PLCG2: variants seen among roughly 807,000 people sequenced by gnomAD.
PLCG2 encodes 1-phosphatidylinositol 4,5-bisphosphate phosphodiesterase gamma-2.
Under a neutral mutation model 175.6 loss-of-function variants are expected in PLCG2, and 69 were observed. The ratio of observed to expected loss-of-function variants is 0.39; its 90% confidence interval spans 0.32 to 0.48. PLCG2 has a LOEUF of 0.48. PLCG2 is among the 20% of genes least tolerant of loss of function. PLCG2 has a pLI of 0.91. For missense variants in PLCG2, 1,798 were observed against 1,650.9 expected, an observed-to-expected ratio of 1.09 and a Z score of -1.54; for synonymous variants, 827 against 624.0, an observed-to-expected ratio of 1.33 and a Z score of -4.85.
intron 2 of PLCG2, among the ~76,000 whole-genome samples, chr16:81,787,074 C>G (rs1911002581): frequency 6.6e-6 from 1 of 152,208 alleles, no homozygotes; most frequent in African/African-American, 2.4e-5. Context: ...CTTATCAGCA[C>G]ACATTGATCT....
intron 31 of PLCG2, among the ~76,000 whole-genome samples, chr16:81,947,777 A>G (rs4993826): frequency 0.015 from 2,263 of 152,310 alleles, 58 homozygotes; most frequent in African/African-American, 0.052. Context: ...TAGTTTATAA[A>G]GAGTATTTTT....
At chr16:81,899,170 T>A (rs1013621111) in intron 13 of PLCG2, among the ~76,000 whole-genome samples, 4 of 151,832 alleles carry the variant, frequency 2.6e-5, no homozygotes, top group African/African-American at 4.8e-5. Flanking sequence ...TCCCGGGCAA[T>A]GAGTGAAACT....
chr16:81,812,869 G>A (rs998980982), intron 2 of PLCG2, among the ~76,000 whole-genome samples: 3 of 152,104 alleles, frequency 2.0e-5, no homozygotes, highest in Admixed American at 6.6e-5. Context: ...TAAGGAAGGG[G>A]TCCAGTTTCA....
intron 14 of PLCG2, among the ~76,000 whole-genome samples, chr16:81,905,150 G>A (rs1418190522): frequency 6.6e-6 from 1 of 152,268 alleles, no homozygotes; most frequent in Admixed American, 6.5e-5. Flanking sequence ...GCCTCCCAAA[G>A]TGCTGGGCTT....
rs937066568 is a variant in PLCG2, at chr16:81,959,404, C to G, written c.*1406C>G. On this transcript the variant is annotated 3_prime_UTR_variant, in exon 33 of 33. Transcript: ENST00000564138. The stretch of plus-strand genomic sequence containing the variant: ...GGTCCCTTCACTCTACAAAAACTTA[C>G]TGATCACCTCCACATGCCAAATACA... 4.5e-6 allele frequency: 1 copy of G among 221,408 alleles called. No homozygotes were observed. The highest frequency in any genetic ancestry group is 9.0e-6 in the Non-Finnish European group (1 of 110,674). 13.7% of individuals were successfully genotyped at this position (221,408 alleles called of 1,614,324 possible).
chr16:81,905,596 T>C, intron 15 of PLCG2, 89 bp downstream of exon 15: 1 of 768,174 alleles, frequency 1.3e-6, no homozygotes, highest in South Asian at 1.5e-5. Flanking sequence ...AGAATACGCC[T>C]GTCTTGTTCC....
At chr16:81,780,088 C>T (rs1425014890) in intron 1 of PLCG2, among the ~76,000 whole-genome samples, 1 of 152,094 alleles carries the variant, frequency 6.6e-6, no homozygotes, top group African/African-American at 2.4e-5. Context: ...TGGATTCCAG[C>T]AGGACGGTGG....
At chr16:81,740,914 C>T (rs1909579724) in intron 1 of PLCG2, among the ~76,000 whole-genome samples, 1 of 152,110 alleles carries the variant, frequency 6.6e-6, no homozygotes, top group Non-Finnish European at 1.5e-5. Flanking sequence ...ACCTTGCCTG[C>T]CAGGCAGAAT....
At chr16:81,826,836 C>T (rs564868159) in intron 2 of PLCG2, among the ~76,000 whole-genome samples, 5 of 152,164 alleles carry the variant, frequency 3.3e-5, no homozygotes, top group Admixed American at 1.3e-4. Flanking sequence ...TCAAGGCTGC[C>T]GGAGACAATT....
At chr16:81,741,235 C>T (rs974725278) in intron 1 of PLCG2, among the ~76,000 whole-genome samples, 1 of 151,980 alleles carries the variant, frequency 6.6e-6, no homozygotes, top group Non-Finnish European at 1.5e-5. Context: ...CTGCTGTGTG[C>T]CAGGTATTGT....
chr16:81,806,445 G>A (rs927995323), intron 2 of PLCG2, among the ~76,000 whole-genome samples: 2 of 151,912 alleles, frequency 1.3e-5, no homozygotes, highest in African/African-American at 4.8e-5. Context: ...TGCTGGGCCC[G>A]AGCATCCAGT....
At chr16:81,818,577 T>C (rs1234379414) in intron 2 of PLCG2, among the ~76,000 whole-genome samples, 1 of 152,080 alleles carries the variant, frequency 6.6e-6, no homozygotes, top group East Asian at 1.9e-4. Flanking sequence ...ATTATCTGCT[T>C]GGTGGGGGCT....
In PLCG2 at chr16:81,935,882, G is replaced by A. The variant is rs936215487; in HGVS notation, c.2843-287G>A. On this transcript the variant is annotated intron_variant, in intron 26 of 32. Coordinates refer to ENST00000564138, the MANE Select transcript of PLCG2 (RefSeq NM_002661.5). ...TCTTCTATAACTGTACCACTTTTGTGTTTTCTTGTTCAAGGATGGTGATAG... is the reference window on the plus strand; with the variant it reads ...TCTTCTATAACTGTACCACTTTTGTATTTTCTTGTTCAAGGATGGTGATAG... 3 of 984,858 alleles carry A rather than the reference G, an allele frequency of 3.0e-6. No homozygotes were observed. In the African/African-American group the frequency reaches 5.3e-5, roughly 17 times the overall value. 61.0% of individuals were successfully genotyped at this position (984,858 alleles called of 1,614,324 possible).
chr16:81,874,241 T>A (rs990915102), intron 7 of PLCG2, among the ~76,000 whole-genome samples: 7 of 152,198 alleles, frequency 4.6e-5, no homozygotes, highest in African/African-American at 1.7e-4. Flanking sequence ...TAGGGTCACA[T>A]CTCGCCATGG....
chr16:81,902,715 C>T (rs139806528), intron 14 of PLCG2, among the ~76,000 whole-genome samples: 21 of 152,198 alleles, frequency 1.4e-4, no homozygotes, highest in Non-Finnish European at 2.2e-4. Flanking sequence ...TTCTGTGTTA[C>T]CCATTCTCAC....
chr16:81,866,088 T>TG (rs1246760466), intron 5 of PLCG2, among the ~76,000 whole-genome samples: 34 of 115,934 alleles, frequency 2.9e-4, no homozygotes, highest in African/African-American at 8.7e-4. Flanking sequence ...TGGGCTCCAC[T>TG]GGGCACCAGC....
At position 81,935,687 on chromosome 16, in the gene PLCG2, T is replaced by A. The variant is rs552301152; in HGVS notation, c.2843-482T>A. On this transcript the variant is annotated intron_variant, in intron 26 of 32. Transcript: ENST00000564138. ...GCTGGATGGGAGAGAAGATGAGGCCTGTCCCCTTCCCTCTCCTCCTGTTCT... is the reference window on the plus strand; with the variant it reads ...GCTGGATGGGAGAGAAGATGAGGCCAGTCCCCTTCCCTCTCCTCCTGTTCT... 8.5e-5 allele frequency: 84 copies of A among 985,356 alleles called. 1 individual carries two copies. The South Asian group carries it at 3.4e-3, about 40-fold the overall frequency. The allele number at this position is 985,356 out of a possible 1,614,324, so 61.0% of individuals were successfully genotyped here. A position where few individuals can be genotyped will look rare whatever the true frequency, so the allele number is the denominator to read the frequency against.
upstream of PLCG2, among the ~76,000 whole-genome samples, chr16:81,776,714 C>T (rs1476355829): frequency 6.6e-6 from 1 of 152,290 alleles, no homozygotes; most frequent in Non-Finnish European, 1.5e-5. Flanking sequence ...GCCACCATGC[C>T]TGGGTAATTT....
intron 24 of PLCG2, among the ~76,000 whole-genome samples, chr16:81,930,557 T>C (rs985003054): frequency 1.3e-5 from 2 of 152,244 alleles, no homozygotes; most frequent in Middle Eastern, 3.4e-3. Flanking sequence ...AGACCAGCCC[T>C]GGGCAACATG....
Sources: gnomAD v4.1 joint callset for allele counts (sites outside exome capture counted in the v4.1 genomes callset) on GRCh38, gnomAD v4.1.1 for gene constraint, MANE v1.5 for transcripts, NCBI Gene and HGNC (gene_info 2026-07-23, HGNC 2026-07-21) for gene names.